Variants in TRPS1 observed in about 807,000 individuals in gnomAD.
TRPS1 encodes the protein transcriptional repressor GATA binding 1.
Under a neutral mutation model 101.2 loss-of-function variants are expected in TRPS1, and 6 were observed. That is an observed-to-expected ratio of 0.06 (90% confidence interval 0.03 to 0.12). TRPS1 has a LOEUF of 0.12. TRPS1 is among the 10% of genes least tolerant of loss of function. The pLI is 1.00. For missense variants in TRPS1, 1,363 were observed against 1,567.0 expected, an observed-to-expected ratio of 0.87 and a Z score of 2.20; for synonymous variants, 578 against 589.8, an observed-to-expected ratio of 0.98 and a Z score of 0.29.
chr8:115,592,715 T>A (rs1817702913), intron 4 of TRPS1, among the ~76,000 whole-genome samples: 2 of 152,136 alleles, frequency 1.3e-5, no homozygotes, highest in Admixed American at 6.5e-5. Context: ...CTCAAACTAA[T>A]GTGTAAAAAT....
At chr8:115,488,712 T>C (rs922057986) in intron 5 of TRPS1, among the ~76,000 whole-genome samples, 5 of 152,000 alleles carry the variant, frequency 3.3e-5, no homozygotes, top group Non-Finnish European at 7.4e-5. Context: ...AACCAGACAT[T>C]TTTCAAAGAG....
intron 5 of TRPS1, among the ~76,000 whole-genome samples, chr8:115,469,139 T>A (rs1814400762): frequency 6.6e-6 from 1 of 152,086 alleles, no homozygotes; most frequent in Admixed American, 6.5e-5. Flanking sequence ...AGACCCTGTC[T>A]CAAAACAAAA....
rs375394114 is a variant in TRPS1 at position 115,418,375 on chromosome 8, G to T, written c.2778C>A (p.Gly926=). 1.9e-6 allele frequency: 3 copies of T among 1,614,074 alleles called. No individual in the cohort carries two copies. The highest frequency in any genetic ancestry group is 2.5e-6 in the Non-Finnish European group (3 of 1,179,998). Residue 926 remains glycine, a synonymous_variant, in exon 6 of 7, where the codon GGC becomes GGA. Transcript: ENST00000395715. The surrounding 1 kb of genome is among the most constrained non-coding windows in gnomAD (Gnocchi z 4.3). ...GGCCACACGCGTTGCATACATATCC[G>T]CCATTTGCATTCTTTCGCCAGAGAG... ...KTSLWRKNAN[G]GYVCNACGLY...
At chr8:115,547,985 C>A (rs1435835793) in intron 5 of TRPS1, among the ~76,000 whole-genome samples, 2 of 151,860 alleles carry the variant, frequency 1.3e-5, no homozygotes, top group African/African-American at 4.8e-5. Context: ...AATCCCAGCA[C>A]TTTGAGAGCT....
chr8:115,451,173 TCTACTTAAAAGAATGGCGCC>T (rs1380066899), intron 5 of TRPS1, among the ~76,000 whole-genome samples: 1 of 152,224 alleles, frequency 6.6e-6, no homozygotes, highest in Non-Finnish European at 1.5e-5. Flanking sequence ...TGTGCAGTGC[TCTACTTAAAAGAATGGCGCC>T]CTATAGCTAA....
chr8:115,442,719 T>G (rs1264320879), intron 5 of TRPS1, among the ~76,000 whole-genome samples: 1 of 151,886 alleles, frequency 6.6e-6, no homozygotes, highest in Admixed American at 6.6e-5. Flanking sequence ...TCCAGCACTT[T>G]GGGATGCTGA....
At chr8:115,530,952 G>T (rs893963225) in intron 5 of TRPS1, among the ~76,000 whole-genome samples, 2 of 151,956 alleles carry the variant, frequency 1.3e-5, no homozygotes, top group African/African-American at 4.8e-5. Flanking sequence ...AGGGGGGAGG[G>T]ATAGCATTAG....
intron 5 of TRPS1, among the ~76,000 whole-genome samples, chr8:115,449,956 A>AACACACAC (rs61176190): frequency 0.069 from 10,091 of 146,900 alleles, 359 homozygotes; most frequent in Non-Finnish European, 0.072. Flanking sequence ...TATGTGATTT[A>AACACACAC]ACACACACAC....
intron 5 of TRPS1, among the ~76,000 whole-genome samples, chr8:115,519,584 C>T (rs930181195): frequency 2.0e-5 from 3 of 151,196 alleles, no homozygotes; most frequent in African/African-American, 7.3e-5. Context: ...ATTTAGTACA[C>T]AATAGATGTG....
intron 5 of TRPS1, among the ~76,000 whole-genome samples, chr8:115,460,783 C>T (rs775348263): frequency 6.6e-6 from 1 of 152,128 alleles, no homozygotes; most frequent in Non-Finnish European, 1.5e-5. Flanking sequence ...CTTGCCAAAA[C>T]CTTTGTAGCA....
intron 5 of TRPS1, among the ~76,000 whole-genome samples, chr8:115,553,418 T>G (rs1039323864): frequency 3.3e-5 from 5 of 152,126 alleles, no homozygotes; most frequent in African/African-American, 1.2e-4. Context: ...TAGGTATATG[T>G]AAATCCTTCA....
chr8:115,653,356 A>C (rs931766569), intron 1 of TRPS1, among the ~76,000 whole-genome samples: 8 of 152,190 alleles, frequency 5.3e-5, no homozygotes, highest in Non-Finnish European at 1.2e-4. Context: ...ACAAGGAGGA[A>C]AAAAACAGAT....
In TRPS1 at chr8:115,474,108, A is replaced by G. The variant is rs139944657; in HGVS notation, c.2701-55656T>C. ...CTCTATACATTTTCTAACCACAGAA[A>G]CCAGGGAACATTCCTTTTTGTAGTA... On this transcript the variant is annotated intron_variant, in intron 5 of 6. Coordinates refer to ENST00000395715, the MANE Select transcript of TRPS1 (RefSeq NM_014112.5). 7.7e-3 allele frequency among the ~76,000 whole-genome samples: 1,175 copies of G among 152,300 alleles called. 20 individuals are homozygous for G. The highest frequency in any genetic ancestry group is 0.027 in the African/African-American group (1,106 of 41,566).
At chr8:115,482,917 A>G (rs969001707) in intron 5 of TRPS1, among the ~76,000 whole-genome samples, 1 of 152,240 alleles carries the variant, frequency 6.6e-6, no homozygotes, top group Admixed American at 6.5e-5. Flanking sequence ...TGTGATCAAT[A>G]TAACTGGTTG....
intron 1 of TRPS1, among the ~76,000 whole-genome samples, chr8:115,645,078 A>G (rs920595749): frequency 2.6e-4 from 40 of 152,354 alleles, no homozygotes; most frequent in Middle Eastern, 3.4e-3. Flanking sequence ...AAAGAGACAT[A>G]AGGTAAACAC....
intron 2 of TRPS1, among the ~76,000 whole-genome samples, chr8:115,623,191 TAATA>T (rs1248064477): frequency 6.6e-6 from 1 of 152,034 alleles, no homozygotes; most frequent in East Asian, 1.9e-4. Flanking sequence ...GAGCCCTTAA[TAATA>T]TACATTGCAA....
intron 5 of TRPS1, among the ~76,000 whole-genome samples, chr8:115,505,693 G>T (rs1815425004): frequency 6.6e-6 from 1 of 152,156 alleles, no homozygotes; most frequent in Admixed American, 6.6e-5. Flanking sequence ...TGGTTCCAAT[G>T]ACTCTACTCA....
intron 5 of TRPS1, among the ~76,000 whole-genome samples, chr8:115,533,212 A>G (rs1248311915): frequency 6.6e-6 from 1 of 152,102 alleles, no homozygotes; most frequent in African/African-American, 2.4e-5. Flanking sequence ...CTTAACTGTG[A>G]GGTTATCCGC....
chr8:115,632,725 A>G (rs1818674321), intron 1 of TRPS1, among the ~76,000 whole-genome samples: 1 of 152,194 alleles, frequency 6.6e-6, no homozygotes, highest in Non-Finnish European at 1.5e-5. Context: ...GGCAGACACA[A>G]ACGAATGCAT....
Sources: gnomAD v4.1 joint callset for allele counts (sites outside exome capture counted in the v4.1 genomes callset) on GRCh38, gnomAD v4.1.1 for gene constraint, Gnocchi (gnomAD v3.1) non-coding constraint, MANE v1.5 for transcripts, NCBI Gene and HGNC (gene_info 2026-07-23, HGNC 2026-07-21) for gene names.